Variants in UNC45A observed in about 807,000 individuals in gnomAD.
UNC45A encodes the protein protein unc-45 homolog A.
A neutral mutation model predicts 103.2 loss-of-function variants in UNC45A; 78 were observed. The ratio of observed to expected loss-of-function variants is 0.76; its 90% CI spans 0.63 to 0.91. The LOEUF is 0.91. Ranked by LOEUF, UNC45A falls within the 40% of genes least tolerant of loss-of-function variation. The pLI, the probability that UNC45A is intolerant of heterozygous loss-of-function variation, is 0.00. For missense variants in UNC45A, 1,193 were observed against 1,224.8 expected, an observed-to-expected ratio of 0.97 and a Z score of 0.39; for synonymous variants, 495 against 504.6, an observed-to-expected ratio of 0.98 and a Z score of 0.25.
chr15:90,940,238 C>T, intron 5 of UNC45A, 68 bp from the exon 6 acceptor site: 2 of 1,529,554 alleles, frequency 1.3e-6, no homozygotes, highest in South Asian at 2.6e-5. Context: ...CTCGGGGCCC[C>T]TGCTCACCAG....
chr15:90,942,464 A>G lies in UNC45A; in HGVS notation c.715A>G (p.Thr239Ala), dbSNP rs2151362031. Residue 239 changes from threonine to alanine, a missense_variant, in exon 7 of 20, where the codon ACT becomes GCT. Coordinates refer to ENST00000418476, the MANE Select transcript of UNC45A (RefSeq NM_018671.5). The stretch of plus-strand genomic sequence containing the variant: ...AGTGGCAACCCTGAGCATACTGGGA[A>G]CTCGGCGAGTAGTCTCCATCCTGGG... ...RTVATLSILGTRRVVSILGVE... is the reference protein window; with the variant it reads ...RTVATLSILGARRVVSILGVE... The G allele has an allele frequency of 6.2e-7, 1 of 1,613,652 alleles. No homozygotes were observed. Among genetic ancestry groups the G allele is most frequent in the South Asian group, 1.1e-5 (1 of 91,036 alleles).
upstream of UNC45A, chr15:90,932,430 G>A: frequency 5.2e-6 from 7 of 1,355,706 alleles, no homozygotes; most frequent in Non-Finnish European, 6.6e-6. Flanking sequence ...CGCGCCCACC[G>A]ATGGGGTGGT....
chr15:90,942,595 C>T lies in UNC45A; in HGVS notation c.846C>T (p.Ala282=), dbSNP rs1430552920. Residue 282 remains alanine (A), a synonymous_variant, in exon 7 of 20, where the codon GCC becomes GCT. Transcript: ENST00000418476. ...VKKGFRGKEG[A]IIVDPARELK... ...AAGGCTTCCGAGGCAAAGAAGGTGC[C>T]ATCATTGTGGGTGAGTGGAAGCAGG... 1.9e-6 allele frequency: 3 copies of T among 1,614,058 alleles called. No individual in the cohort carries two copies. The highest frequency in any genetic ancestry group is 2.5e-6 in the Non-Finnish European group (3 of 1,180,050).
At position 90,944,967 on chromosome 15, in the gene UNC45A, G is replaced by T; in HGVS notation, c.1103G>T (p.Arg368Leu). The T allele has an allele frequency of 6.2e-7, 1 of 1,612,758 alleles. No homozygotes were observed. Among genetic ancestry groups the T allele is most frequent in the Non-Finnish European group, 8.5e-7 (1 of 1,180,012 alleles). ...GAGCTCGCAGTGACCGCAAACAGCC[G>T]CATGAGCGCCTCTATTCTCCTCAGC... Reference protein sequence around the residue: ...PGELAVTANSRMSASILLSKL... With the variant: ...PGELAVTANSLMSASILLSKL... Residue 368 changes from arginine (R) to leucine (L), a missense_variant, in exon 9 of 20, where the codon CGC becomes CTC. Transcript: ENST00000418476.
intron 7 of UNC45A, 121 bp from the exon 8 acceptor site, chr15:90,942,791 G>A (rs762154721): frequency 2.7e-6 from 4 of 1,494,024 alleles, no homozygotes; most frequent in South Asian, 1.3e-5. Flanking sequence ...CTGGAGCTCA[G>A]TCTGGAGCCT....
chr15:90,946,837 A>G lies in UNC45A; in HGVS notation c.1423A>G (p.Thr475Ala), dbSNP rs2036597744. The change falls in exon 10 of 20, where the codon ACT becomes GCT. Residue 475 changes from threonine (T) to alanine (A), a missense_variant. Coordinates refer to ENST00000418476, the MANE Select transcript of UNC45A (RefSeq NM_018671.5). The part of the protein sequence containing the change: ...AGKAKRASFI[T>A]ANGVSLLKDL... Reference sequence around the variant, plus strand: ...CAAGGCTAAGCGGGCCTCATTCATCACTGCCAATGGTGTCTCGCTGCTGAA... The same window carrying G: ...CAAGGCTAAGCGGGCCTCATTCATCGCTGCCAATGGTGTCTCGCTGCTGAA... The G allele has an allele frequency of 6.2e-7, 1 of 1,614,052 alleles. No homozygotes were observed.
chr15:90,934,222 T>C (rs1205591327), upstream of UNC45A: 11 of 399,418 alleles, frequency 2.8e-5, no homozygotes, highest in Non-Finnish European at 4.9e-5. Context: ...TGGGGATGGG[T>C]GGAAGGGCAT....
upstream of UNC45A, chr15:90,934,385 T>G (rs553817194): frequency 2.5e-6 from 1 of 399,034 alleles, no homozygotes; most frequent in Non-Finnish European, 4.4e-6. Flanking sequence ...GGGATGTCCA[T>G]GGCCGTCACT....
chr15:90,937,042 G>A (rs2036056921), intron 4 of UNC45A, among the ~76,000 whole-genome samples: 1 of 152,214 alleles, frequency 6.6e-6, no homozygotes, highest in African/African-American at 2.4e-5. Context: ...TGGGACACTT[G>A]TTGAATGAAC....
Position 90,946,687 on chromosome 15 carries a change from C to T in UNC45A, c.1273C>T (p.Pro425Ser). 2 of 1,612,600 alleles carry T rather than the reference C, an allele frequency of 1.2e-6. No individual in the cohort carries two copies. The highest frequency in any genetic ancestry group is 8.5e-7 in the Non-Finnish European group (1 of 1,179,990). ...IQTVSCLLQG[P>S]CDAGNRALEL... ...GACGGTGTCCTGCCTCCTGCAGGGC[C>T]CATGTGACGCTGGCAACCGGGCCTT... The change falls in exon 10 of 20, where the codon CCA becomes TCA. Residue 425 changes from proline (P) to serine (S), a missense_variant. Pro to Ser is a moderately conservative substitution (Grantham distance 74). Transcript: ENST00000418476.
rs758649346 is a variant in UNC45A at position 90,947,858 on chromosome 15, C to A, written c.1563C>A (p.Gly521=). The A allele has an allele frequency of 5.0e-6, 8 of 1,613,948 alleles. No homozygotes were observed. Among genetic ancestry groups the A allele is most frequent in the Non-Finnish European group, 6.8e-6 (8 of 1,180,008 alleles). ...TCAGCATGAAGCAGTTTGCTGAAGG[C>A]TCCACTCTCAAACTGGCTAAGCAGT... The part of the protein sequence containing the change: ...TDFSMKQFAE[G]STLKLAKQCR... The change falls in exon 11 of 20, where the codon GGC becomes GGA. Residue 521 remains glycine (G), a synonymous_variant. Coordinates refer to ENST00000418476, the MANE Select transcript of UNC45A (RefSeq NM_018671.5).
intron 8 of UNC45A, among the ~76,000 whole-genome samples, chr15:90,944,677 T>G (rs934781723): frequency 6.6e-6 from 1 of 152,258 alleles, no homozygotes; most frequent in African/African-American, 2.4e-5. Flanking sequence ...AGGGCTGGCA[T>G]GCAGGCCTCA....
chr15:90,937,161 C>G (rs2036063055), intron 4 of UNC45A, among the ~76,000 whole-genome samples: 1 of 152,132 alleles, frequency 6.6e-6, no homozygotes, highest in Admixed American at 6.5e-5. Context: ...GCCTGGGCAA[C>G]ATAGTGAGAC....
In UNC45A at chr15:90,935,796, T is replaced by C. The variant is rs2035983129; in HGVS notation, c.213+91T>C. 13 of 1,525,676 alleles carry C rather than the reference T, an allele frequency of 8.5e-6. No homozygotes were observed. In the South Asian group the frequency reaches 1.5e-4, roughly 18 times the overall value. The allele number at this position is 1,525,676 out of a possible 1,614,324, so 94.5% of individuals were successfully genotyped here. A position where few individuals can be genotyped will look rare whatever the true frequency, so the allele number is the denominator to read the frequency against. ...TTGGGCCCCAGCTGGACATTCACGC[T>C]CCCAGGCCATCCCCGCTTGCCAGAT... is the stretch of plus-strand genomic sequence containing the variant. On this transcript the variant is annotated intron_variant, in intron 2 of 19. Coordinates refer to ENST00000418476, the MANE Select transcript of UNC45A (RefSeq NM_018671.5).
chr15:90,945,969 G>GTCCTTGTTCTTAAAGCCA (rs1397854959), intron 9 of UNC45A, among the ~76,000 whole-genome samples: 1 of 151,678 alleles, frequency 6.6e-6, no homozygotes, highest in Non-Finnish European at 1.5e-5. Flanking sequence ...GAGATTATAG[G>GTCCTTGTTCTTAAAGCCA]CCAGGTGTGG....
upstream of UNC45A, chr15:90,930,833 C>T (rs1374880297): frequency 2.0e-5 from 4 of 195,232 alleles, no homozygotes; most frequent in Admixed American, 1.1e-4. Flanking sequence ...AGGGAGGTGA[C>T]TCCGGGACAC....
At chr15:90,930,997 G>T, upstream of UNC45A, 1 of 421,058 alleles carries the variant, frequency 2.4e-6, no homozygotes, top group Non-Finnish European at 4.4e-6. Context: ...GTCCCTGAGG[G>T]GCCAGAGATC....
intron 4 of UNC45A, among the ~76,000 whole-genome samples, chr15:90,936,771 A>T (rs746977965): frequency 1.3e-5 from 2 of 152,200 alleles, no homozygotes; most frequent in Admixed American, 6.5e-5. Flanking sequence ...GTACTTTAGC[A>T]TATCTATTCA....
In UNC45A at chr15:90,946,648, C is replaced by G. The variant is rs1485721682; in HGVS notation, c.1234C>G (p.Leu412Val). The G allele has an allele frequency of 1.2e-6, 2 of 1,611,248 alleles. No individual in the cohort carries two copies. Among genetic ancestry groups the G allele is most frequent in the Admixed American group, 1.7e-5 (1 of 59,962 alleles). ...TGAGGGCCAAGGGCTGGCCGGGAAG[C>G]TACGGGCCATCCAGACGGTGTCCTG... ...WFEGQGLAGK[L>V]RAIQTVSCLL... is the part of the protein sequence containing the mutation. The change falls in exon 10 of 20, where the codon CTA becomes GTA. Residue 412 changes from leucine (L) to valine (V), a missense_variant. Physicochemically the swap from Leu to Val is conservative, Grantham distance 32. Transcript: ENST00000418476.
Sources: gnomAD v4.1 joint callset for allele counts (sites outside exome capture counted in the v4.1 genomes callset) on GRCh38, gnomAD v4.1.1 for gene constraint, MANE v1.5 for transcripts, NCBI Gene and HGNC (gene_info 2026-07-23, HGNC 2026-07-21) for gene names.